Variants in ATXN1 observed in about 807,000 individuals in gnomAD.
ATXN1 encodes ataxin-1.
A neutral mutation model predicts 56.4 loss-of-function variants in ATXN1; 8 were observed. The ratio of observed to expected loss-of-function variants is 0.14; its 90% CI spans 0.08 to 0.26. The LOEUF (loss-of-function observed/expected upper bound fraction) is 0.26, where lower values mean the gene tolerates loss of function less well. Ranked by LOEUF, ATXN1 falls within the 10% of genes least tolerant of loss-of-function variation. The pLI is 1.00. For missense variants in ATXN1, 987 were observed against 1,106.5 expected (o/e 0.89, Z 1.53); for synonymous variants, 514 against 494.6 (o/e 1.04, Z -0.52).
chr6:16,308,654 C>T (rs1045682786), intron 7 of ATXN1, among the ~76,000 whole-genome samples: 5 of 152,118 alleles, frequency 3.3e-5, no homozygotes, highest in Non-Finnish European at 1.5e-5. Flanking sequence ...GTCTGAAGCT[C>T]AGATTGACTC....
intron 2 of ATXN1, among the ~76,000 whole-genome samples, chr6:16,685,048 C>T (rs1397067911): frequency 6.6e-6 from 1 of 151,984 alleles, no homozygotes; most frequent in African/African-American, 2.4e-5. Flanking sequence ...TACGTACATG[C>T]ACACACACAT....
intron 4 of ATXN1, among the ~76,000 whole-genome samples, chr6:16,564,791 G>A (rs13211000): frequency 0.11 from 16,927 of 152,132 alleles, 1,047 homozygotes; most frequent in East Asian, 0.18. Context: ...ATTTATTGTG[G>A]TGATAGCTGC....
intron 6 of ATXN1, among the ~76,000 whole-genome samples, chr6:16,447,583 C>T (rs2113607798): frequency 6.6e-6 from 1 of 152,256 alleles, no homozygotes; most frequent in South Asian, 2.1e-4. Context: ...TTTTGAACTT[C>T]TGGCGTCAAG....
chr6:16,464,615 C>A (rs1464423303), intron 6 of ATXN1, among the ~76,000 whole-genome samples: 1 of 152,138 alleles, frequency 6.6e-6, no homozygotes, highest in African/African-American at 2.4e-5. Flanking sequence ...TAGGAACCAA[C>A]TCCAGACACA....
intron 5 of ATXN1, among the ~76,000 whole-genome samples, chr6:16,487,515 C>G (rs1169059075): frequency 2.0e-5 from 3 of 152,138 alleles, no homozygotes; most frequent in African/African-American, 7.2e-5. Flanking sequence ...ACATAATTAA[C>G]CATCACTTTC....
intron 6 of ATXN1, among the ~76,000 whole-genome samples, chr6:16,347,428 T>C (rs540786695): frequency 6.6e-6 from 1 of 152,192 alleles, no homozygotes; most frequent in Admixed American, 6.5e-5. Context: ...TCAGGGTTTG[T>C]GAATGCACCA....
intron 3 of ATXN1, among the ~76,000 whole-genome samples, chr6:16,640,139 G>A (rs1763681429): frequency 6.6e-6 from 1 of 152,052 alleles, no homozygotes; most frequent in Non-Finnish European, 1.5e-5. Flanking sequence ...CCAACAGCAT[G>A]TGCTCATGTT....
chr6:16,481,275 T>C (rs1760433311), intron 6 of ATXN1, among the ~76,000 whole-genome samples: 1 of 152,118 alleles, frequency 6.6e-6, no homozygotes, highest in African/African-American at 2.4e-5. Context: ...CTTATCTACT[T>C]CAGATTTTTT....
Position 16,731,454 on chromosome 6 carries a change from C to CTTTTTTTTTTTTTTTTTTTTTT in ATXN1, c.-615+21757_-615+21778dup, listed in dbSNP as rs71559655. 8.9e-4 allele frequency among the ~76,000 whole-genome samples: 73 copies of CTTTTTTTTTTTTTTTTTTTTTT among 81,772 alleles called. 5 individuals carry two copies. The highest frequency in any genetic ancestry group is 1.4e-3 in the Non-Finnish European group (58 of 40,268). The allele number at this position is 81,772 out of a possible 152,430, so 53.6% of individuals were successfully genotyped here. On this transcript the variant is annotated intron_variant, in intron 2 of 7. Coordinates refer to ENST00000436367, the MANE Select transcript of ATXN1 (RefSeq NM_001128164.2). ...ACGAGAGAGGCTTTTTTTTTCTTTT[C>CTTTTTTTTTTTTTTTTTTTTTT]TTTTTTTTTTTTTTTTTTTTTTTTT...
intron 3 of ATXN1, among the ~76,000 whole-genome samples, chr6:16,634,998 C>A (rs921353255): frequency 6.6e-6 from 1 of 152,150 alleles, no homozygotes; most frequent in Admixed American, 6.6e-5. Flanking sequence ...GGGCTACAGA[C>A]CTCCTGCACA....
intron 6 of ATXN1, among the ~76,000 whole-genome samples, chr6:16,332,514 C>A (rs1320097174): frequency 6.6e-6 from 1 of 152,162 alleles, no homozygotes; most frequent in Non-Finnish European, 1.5e-5. Flanking sequence ...TCCCAGGGGA[C>A]CCCCGAGGAG....
At chr6:16,486,759 G>A (rs920681405) in intron 5 of ATXN1, among the ~76,000 whole-genome samples, 2 of 152,040 alleles carry the variant, frequency 1.3e-5, no homozygotes, top group Non-Finnish European at 2.9e-5. Context: ...AGTGTAAGGT[G>A]GGCAGTAGGG....
At position 16,305,831 on chromosome 6, in the gene ATXN1, G is replaced by A. The variant is rs1220340288; in HGVS notation, c.*498C>T. 3 of 152,636 alleles carry A rather than the reference G, an allele frequency of 2.0e-5. No individual in the cohort carries two copies. The highest frequency in any genetic ancestry group is 6.5e-5 in the Admixed American group (1 of 15,314). The allele number at this position is 152,636 out of a possible 1,614,324, so 9.5% of individuals were successfully genotyped here. ...GTTGATTTTGCACGTGGGAACCCCA[G>A]GAGGACACTGCTCTGAACCCCCCCG... is the stretch of plus-strand genomic sequence containing the variant. On this transcript the variant is annotated 3_prime_UTR_variant, in exon 8 of 8. Coordinates refer to ENST00000436367, the MANE Select transcript of ATXN1 (RefSeq NM_001128164.2).
intron 5 of ATXN1, among the ~76,000 whole-genome samples, chr6:16,517,824 C>T (rs1761214422): frequency 6.6e-6 from 1 of 152,188 alleles, no homozygotes; most frequent in African/African-American, 2.4e-5. Flanking sequence ...GAGCTACATA[C>T]AGAGCAAGAA....
intron 6 of ATXN1, among the ~76,000 whole-genome samples, chr6:16,466,310 C>A (rs1285626378): frequency 8.4e-5 from 9 of 106,894 alleles, no homozygotes; most frequent in African/African-American, 3.1e-4. Flanking sequence ...AGAGTCAGAC[C>A]CCATCTCAAA....
intron 4 of ATXN1, among the ~76,000 whole-genome samples, chr6:16,557,341 A>C (rs1175202628): frequency 6.6e-6 from 1 of 151,732 alleles, no homozygotes; most frequent in African/African-American, 2.4e-5. Context: ...AAAAAAAAAA[A>C]AAAAACAAAT....
chr6:16,384,728 G>C (rs1470098415), intron 6 of ATXN1, among the ~76,000 whole-genome samples: 4 of 152,180 alleles, frequency 2.6e-5, no homozygotes, highest in African/African-American at 9.7e-5. Context: ...CCTTCCTCCT[G>C]CTCCAGCCAC....
intron 6 of ATXN1, among the ~76,000 whole-genome samples, chr6:16,330,224 G>A (rs541633118): frequency 6.6e-5 from 10 of 152,096 alleles, no homozygotes; most frequent in African/African-American, 2.4e-4. Context: ...CCAATGATCC[G>A]ATTTTAAAAC....
At chr6:16,524,890 T>C (rs903329917) in intron 4 of ATXN1, among the ~76,000 whole-genome samples, 1 of 152,008 alleles carries the variant, frequency 6.6e-6, no homozygotes, top group Non-Finnish European at 1.5e-5. Flanking sequence ...CCATCTCTAC[T>C]AAAAATACAA....
Sources: gnomAD v4.1 joint callset for allele counts (sites outside exome capture counted in the v4.1 genomes callset) on GRCh38, gnomAD v4.1.1 for gene constraint, MANE v1.5 for transcripts, NCBI Gene and HGNC (gene_info 2026-07-23, HGNC 2026-07-21) for gene names.